C9orf85: variants seen among roughly 807,000 people sequenced by gnomAD.
C9orf85 encodes the protein chromosome 9 open reading frame 85.
In C9orf85, 16 loss-of-function variants were observed where a neutral mutation model predicts 14.9. The observed-to-expected ratio is 1.08, with a 90% CI of 0.73 to 1.63. The LOEUF is 1.63. C9orf85 is among the 40% of genes most tolerant of loss of function. The pLI, the probability that C9orf85 is intolerant of heterozygous loss-of-function variation, is 0.00. For missense variants in C9orf85, 172 were observed against 186.1 expected (o/e 0.92, Z 0.44); for synonymous variants, 45 against 56.8 (o/e 0.79, Z 0.93).
downstream of C9orf85, among the ~76,000 whole-genome samples, chr9:71,974,249 C>CTTTT (rs35308335): frequency 1.4e-5 from 2 of 139,740 alleles, no homozygotes; most frequent in Admixed American, 1.5e-4. Flanking sequence ...TTTTATTTTA[C>CTTTT]TTTTTTTTTT....
intron 1 of C9orf85, among the ~76,000 whole-genome samples, chr9:71,916,649 T>C (rs575599187): frequency 1.1e-4 from 17 of 152,316 alleles, no homozygotes; most frequent in Admixed American, 7.8e-4. Flanking sequence ...TTTGGAAATA[T>C]AGTTTTATTA....
intron 2 of C9orf85, among the ~76,000 whole-genome samples, chr9:71,960,929 T>G (rs867061828): frequency 9.6e-4 from 146 of 151,366 alleles, no homozygotes; most frequent in African/African-American, 3.4e-3. Context: ...TTTTTTTTTT[T>G]GAGACGGAGT....
chr9:71,920,894 C>G (rs1465659018), intron 1 of C9orf85, among the ~76,000 whole-genome samples: 1 of 152,142 alleles, frequency 6.6e-6, no homozygotes, highest in Non-Finnish European at 1.5e-5. Context: ...ATGGACCCCC[C>G]CTTTCAGCCA....
At position 71,971,604 on chromosome 9, in the gene C9orf85, A is replaced by C; in HGVS notation, c.309A>C (p.Glu103Asp). 2 of 1,604,892 alleles carry C rather than the reference A, an allele frequency of 1.2e-6. No homozygotes were observed. Among genetic ancestry groups the C allele is most frequent in the Non-Finnish European group, 1.7e-6 (2 of 1,172,056 alleles). ...TTTGCGCAAAATGTGGAAAGAAAGA[A>C]GACATTGTTATTCCGTGAGTGTTTC... ...LEVCAKCGKK[E>D]DIVIPLNKET... is the part of the protein sequence containing the mutation. Residue 103 changes from glutamate (E) to aspartate (D), a missense_variant, in exon 3 of 4, where the codon GAA becomes GAC. By Grantham distance (45) the Glu-to-Asp change is conservative (BLOSUM62 2). Coordinates refer to ENST00000334731, the MANE Select transcript of C9orf85 (RefSeq NM_182505.5).
chr9:71,939,411 A>G (rs1589255133), intron 1 of C9orf85, among the ~76,000 whole-genome samples: 1 of 152,206 alleles, frequency 6.6e-6, no homozygotes, highest in East Asian at 1.9e-4. Context: ...ACCAAATACT[A>G]GCATATGGAA....
At chr9:71,923,087 G>A (rs1056563208) in intron 1 of C9orf85, among the ~76,000 whole-genome samples, 52 of 152,250 alleles carry the variant, frequency 3.4e-4, no homozygotes, top group African/African-American at 1.1e-3. Context: ...CTGAGGTCGC[G>A]CCGCTGCACT....
intron 1 of C9orf85, among the ~76,000 whole-genome samples, chr9:71,921,354 TC>T (rs1476681973): frequency 2.0e-5 from 3 of 152,200 alleles, no homozygotes; most frequent in Non-Finnish European, 4.4e-5. Context: ...AACCTTGACT[TC>T]CACAACTCCT....
intron 1 of C9orf85, among the ~76,000 whole-genome samples, chr9:71,915,681 C>T (rs1827629576): frequency 6.6e-6 from 1 of 152,116 alleles, no homozygotes; most frequent in Non-Finnish European, 1.5e-5. Context: ...TAGTCCTGTT[C>T]AGATATAGTC....
At chr9:71,915,880 C>G (rs762835489) in intron 1 of C9orf85, among the ~76,000 whole-genome samples, 1 of 152,168 alleles carries the variant, frequency 6.6e-6, no homozygotes, top group Non-Finnish European at 1.5e-5. Context: ...TAACTACTTT[C>G]CTATTAATAA....
chr9:71,955,477 C>CA (rs1271042736), intron 2 of C9orf85, among the ~76,000 whole-genome samples: 2 of 151,978 alleles, frequency 1.3e-5, no homozygotes, highest in African/African-American at 4.8e-5. Context: ...CAAAACTGTC[C>CA]AAAGGTCATT....
intron 2 of C9orf85, among the ~76,000 whole-genome samples, chr9:71,970,358 G>C (rs1822826266): frequency 6.6e-6 from 1 of 152,170 alleles, no homozygotes; most frequent in South Asian, 2.1e-4. Context: ...CTTGTATAGA[G>C]TGTTCTAAAA....
At chr9:71,912,301 TTC>T (rs1827524750) in intron 1 of C9orf85, among the ~76,000 whole-genome samples, 1 of 152,184 alleles carries the variant, frequency 6.6e-6, no homozygotes, top group East Asian at 1.9e-4. Flanking sequence ...TGTGTGAAAT[TTC>T]TGTTTTGTAA....
chr9:71,961,710 C>G (rs917496504), intron 2 of C9orf85, among the ~76,000 whole-genome samples: 9 of 152,168 alleles, frequency 5.9e-5, no homozygotes, highest in Non-Finnish European at 1.0e-4. Flanking sequence ...CAACCATGGT[C>G]TTACTGTCTT....
intron 3 of C9orf85, among the ~76,000 whole-genome samples, chr9:71,971,985 A>AG (rs1324736089): frequency 2.0e-5 from 3 of 151,724 alleles, no homozygotes; most frequent in African/African-American, 7.3e-5. Flanking sequence ...CAAAAAAAAA[A>AG]AAAAAAAAAA....
chr9:71,980,761 CTG>C (rs1371649604), intron 3 of C9orf85, among the ~76,000 whole-genome samples: 1 of 152,142 alleles, frequency 6.6e-6, no homozygotes, highest in Non-Finnish European at 1.5e-5. Context: ...CAGTTACACA[CTG>C]TTTAAAAATA....
Position 71,973,011 on chromosome 9 carries a change from G to A in C9orf85, c.*169G>A. The A allele has an allele frequency of 2.9e-6, 1 of 347,960 alleles. No individual in the cohort carries two copies. Among genetic ancestry groups the A allele is most frequent in the Non-Finnish European group, 5.5e-6 (1 of 183,480 alleles). 21.6% of individuals were successfully genotyped at this position (347,960 alleles called of 1,614,324 possible). On this transcript the variant is annotated 3_prime_UTR_variant, in exon 4 of 4. Coordinates refer to ENST00000334731, the MANE Select transcript of C9orf85 (RefSeq NM_182505.5). The stretch of plus-strand genomic sequence containing the variant: ...GTACAAAAAATTAGCTGGGCGTGGT[G>A]GCTCATGCCTGTAATCCCAGCTACT...
At chr9:71,968,985 C>T (rs1822781109) in intron 2 of C9orf85, among the ~76,000 whole-genome samples, 1 of 151,646 alleles carries the variant, frequency 6.6e-6, no homozygotes, top group Non-Finnish European at 1.5e-5. Flanking sequence ...GAGTAGGTGA[C>T]CAGGGGTGAC....
At chr9:71,922,686 T>C (rs544912347) in intron 1 of C9orf85, among the ~76,000 whole-genome samples, 1 of 152,340 alleles carries the variant, frequency 6.6e-6, no homozygotes, top group East Asian at 1.9e-4. Context: ...TTGCTACCTT[T>C]CCACAGTTCC....
At chr9:71,918,106 C>CT (rs1465188009) in intron 1 of C9orf85, among the ~76,000 whole-genome samples, 1 of 152,082 alleles carries the variant, frequency 6.6e-6, no homozygotes, top group African/African-American at 2.4e-5. Flanking sequence ...CCACTTGAAC[C>CT]CAGGAGGCAG....
Sources: allele counts gnomAD v4.1 joint callset (sites outside exome capture counted in the v4.1 genomes callset), GRCh38; gene constraint gnomAD v4.1.1; transcripts MANE v1.5; gene names NCBI Gene and HGNC (gene_info 2026-07-23, HGNC 2026-07-21).